Variants in BAHCC1 observed in about 807,000 individuals in gnomAD.
BAHCC1 encodes the protein BAH and coiled-coil domain-containing protein 1.
Under a neutral mutation model 88.2 loss-of-function variants are expected in BAHCC1, and 43 were observed. The observed-to-expected ratio is 0.49, with a 90% CI of 0.38 to 0.63. BAHCC1 has a LOEUF of 0.63. Among genes scored for constraint, BAHCC1 ranks in the 20% least tolerant of loss-of-function variants. The pLI is 0.00. For synonymous variants in BAHCC1, 1,510 were observed against 745.5 expected (o/e 2.03, Z -16.71); for missense variants, 3,023 against 1,654.8 (o/e 1.83, Z -14.34).
intron 26 of BAHCC1, 169 bp from the exon 27 acceptor site, chr17:81,462,571 G>T (rs2030394590): frequency 1.7e-6 from 1 of 586,858 alleles, no homozygotes; most frequent in Non-Finnish European, 3.0e-6. Flanking sequence ...ATCCATGGCT[G>T]CCATGGCCTT....
chr17:81,438,361 C>G lies in BAHCC1; in HGVS notation c.359-9C>G, dbSNP rs782305357. 6 of 778,522 alleles carry G rather than the reference C, an allele frequency of 7.7e-6. 1 individual carries two copies. In the South Asian group the frequency reaches 8.1e-5, roughly 10 times the overall value. 48.2% of individuals were successfully genotyped at this position (778,522 alleles called of 1,614,324 possible). A position where few individuals can be genotyped will look rare whatever the true frequency, so the allele number is the denominator to read the frequency against. The stretch of plus-strand genomic sequence containing the variant: ...GTTGCCTCTGCAACTGGGTCTCTTG[C>G]TTCTCTAGCTCCGGGGTACCCCAGA... On this transcript the variant is annotated splice_polypyrimidine_tract_variant and intron_variant, in intron 3 of 27. Transcript: ENST00000675386.
At chr17:81,398,652 C>A (rs894238240) in intron 1 of BAHCC1, among the ~76,000 whole-genome samples, 13 of 152,244 alleles carry the variant, frequency 8.5e-5, no homozygotes, top group African/African-American at 3.1e-4. Context: ...AGAGGAAGAT[C>A]CTGGGCGAAT....
chr17:81,411,176 C>G lies in BAHCC1; in HGVS notation c.178+11259C>G, dbSNP rs781856828. On this transcript the variant is annotated intron_variant, in intron 2 of 27. Transcript: ENST00000675386. This position sits in a 1 kb window ranked among gnomAD's most constrained non-coding sequence, Gnocchi z 6.2. Reference sequence around the variant, plus strand: ...AGGTGCCTGTGTCCTGTCTCTGCCCCAGGCTGAGGCCGAGGGTCTGCGCCA... The same window carrying G: ...AGGTGCCTGTGTCCTGTCTCTGCCCGAGGCTGAGGCCGAGGGTCTGCGCCA... The G allele has an allele frequency of 1.9e-6, 1 of 518,648 alleles. No homozygotes were observed. The highest frequency in any genetic ancestry group is 1.4e-5 in the South Asian group (1 of 71,560). The allele number at this position is 518,648 out of a possible 1,614,324, so 32.1% of individuals were successfully genotyped here.
chr17:81,442,598 G>A lies in BAHCC1; in HGVS notation c.1249G>A (p.Ala417Thr). 1.3e-6 allele frequency: 1 copy of A among 775,348 alleles called. No individual in the cohort carries two copies. The highest frequency in any genetic ancestry group is 2.4e-6 in the Non-Finnish European group (1 of 415,688). 48.0% of individuals were successfully genotyped at this position (775,348 alleles called of 1,614,324 possible). A position where few individuals can be genotyped will look rare whatever the true frequency, so the allele number is the denominator to read the frequency against. The change falls in exon 5 of 28, where the codon GCA becomes ACA. Residue 417 changes from alanine (A) to threonine (T), a missense_variant. Transcript: ENST00000675386. ...CCAGGCCGCCGAGGCCTGTGCCGTG[G>A]CAGGGGAGGGCAAGGACCGGCACCT... ...PFQAAEACAV[A>T]GEGKDRHLEG...
chr17:81,425,579 G>GT (rs2064177885), intron 2 of BAHCC1, among the ~76,000 whole-genome samples: 3 of 150,634 alleles, frequency 2.0e-5, no homozygotes, highest in African/African-American at 2.4e-5. Flanking sequence ...GATGTGGTTG[G>GT]GGGTGATAGT....
intron 10 of BAHCC1, among the ~76,000 whole-genome samples, chr17:81,446,500 AG>A (rs1555654360): frequency 9.3e-6 from 1 of 107,118 alleles, no homozygotes; most frequent in Non-Finnish European, 1.8e-5. Context: ...TAGGGGAATG[AG>A]GGCCTGGCCT....
chr17:81,458,464 C>G lies in BAHCC1; in HGVS notation c.5341C>G (p.Arg1781Gly). 1.4e-6 allele frequency: 1 copy of G among 709,176 alleles called. No homozygotes were observed. Among genetic ancestry groups the G allele is most frequent in the East Asian group, 2.6e-5 (1 of 39,200 alleles). 43.9% of individuals were successfully genotyped at this position (709,176 alleles called of 1,614,324 possible). ...RKGTVLQPVL[R>G]RKNGALSITL... ...GGGCACAGTGCTGCAGCCAGTGCTG[C>G]GGGTGAGGCTGGGCTCTGGGGTGCT... Residue 1781 changes from arginine (R) to glycine (G), a missense_variant and splice_region_variant, in exon 18 of 28, where the codon CGG (arginine) becomes GGG (glycine). Physicochemically the swap from Arg to Gly is moderately radical, Grantham distance 125. Coordinates refer to ENST00000675386, the MANE Select transcript of BAHCC1 (RefSeq NM_001377448.1).
In BAHCC1 at chr17:81,454,210, T is replaced by C. The variant is rs540518971; in HGVS notation, c.4446-1057T>C. On this transcript the variant is annotated intron_variant, in intron 14 of 27. Coordinates refer to ENST00000675386, the MANE Select transcript of BAHCC1 (RefSeq NM_001377448.1). Reference sequence around the variant, plus strand: ...GGGCAGTGGGAGGTTCTGGGGAGGGTGGGTCACCCACACAAGAGGGGGAGC... The same window carrying C: ...GGGCAGTGGGAGGTTCTGGGGAGGGCGGGTCACCCACACAAGAGGGGGAGC... Among the ~76,000 whole-genome samples the C allele has an allele frequency of 9.2e-5, 14 of 152,022 alleles. No homozygotes were observed. In the South Asian group the frequency reaches 2.7e-3, roughly 29 times the overall value.
At chr17:81,409,955 G>GT in intron 2 of BAHCC1, 1 of 226,416 alleles carries the variant, frequency 4.4e-6, no homozygotes, top group Non-Finnish European at 9.7e-6. Context: ...GGGAGCGTGT[G>GT]TAATGGGGCC....
chr17:81,415,998 G>A (rs2064016173), intron 2 of BAHCC1, among the ~76,000 whole-genome samples: 2 of 151,080 alleles, frequency 1.3e-5, no homozygotes, highest in Admixed American at 6.6e-5. Context: ...ATGAGGATGG[G>A]TGTATGCGCG....
chr17:81,430,810 G>A (rs2064251619), intron 3 of BAHCC1, among the ~76,000 whole-genome samples: 1 of 151,990 alleles, frequency 6.6e-6, no homozygotes, highest in Admixed American at 6.5e-5. Flanking sequence ...CAGCTTCTTG[G>A]TCTGTCTCCC....
At chr17:81,436,941 G>A (rs1246974992) in intron 3 of BAHCC1, among the ~76,000 whole-genome samples, 4 of 152,204 alleles carry the variant, frequency 2.6e-5, no homozygotes, top group African/African-American at 9.6e-5. Context: ...GTGCATTCTT[G>A]GAGCTGGTGA....
At chr17:81,437,960 G>C (rs564420719) in intron 3 of BAHCC1, among the ~76,000 whole-genome samples, 61 of 152,328 alleles carry the variant, frequency 4.0e-4, no homozygotes, top group African/African-American at 1.4e-3. Flanking sequence ...GGCCTGCCTT[G>C]GGGAGGCCAA....
chr17:81,455,607 C>G (rs978645374), intron 15 of BAHCC1, among the ~76,000 whole-genome samples: 1 of 152,196 alleles, frequency 6.6e-6, no homozygotes. Flanking sequence ...CGCCACTTGC[C>G]CACGTCACTC....
intron 3 of BAHCC1, among the ~76,000 whole-genome samples, chr17:81,429,920 G>A (rs1342316592): frequency 4.6e-5 from 7 of 152,328 alleles, no homozygotes; most frequent in Admixed American, 2.0e-4. Flanking sequence ...CTGCTTCCCC[G>A]GGGGAGCAGC....
rs1555653196 is a variant in BAHCC1 at position 81,443,167 on chromosome 17, G to A, written c.1818G>A (p.Leu606=). Residue 606 remains leucine (L), a synonymous_variant, in exon 5 of 28, where the codon CTG becomes CTA. Coordinates refer to ENST00000675386, the MANE Select transcript of BAHCC1 (RefSeq NM_001377448.1). ...ISEERKAGAY[L]DPFGSGLQQA... Reference sequence around the variant, plus strand: ...AGGAGCGCAAGGCTGGCGCCTACCTGGACCCCTTTGGCAGTGGCCTGCAGC... The same window carrying A: ...AGGAGCGCAAGGCTGGCGCCTACCTAGACCCCTTTGGCAGTGGCCTGCAGC... The A allele has an allele frequency of 5.1e-6, 4 of 778,812 alleles. No individual in the cohort carries two copies. The Admixed American group carries it at 6.8e-5, about 13-fold the overall frequency. The allele number at this position is 778,812 out of a possible 1,614,324, so 48.2% of individuals were successfully genotyped here.
chr17:81,437,353 C>T (rs1230368401), intron 3 of BAHCC1, among the ~76,000 whole-genome samples: 1 of 152,234 alleles, frequency 6.6e-6, no homozygotes, highest in Admixed American at 6.5e-5. Flanking sequence ...GGGGCTGGGG[C>T]TGGGCGGGTC....
In BAHCC1 at chr17:81,451,763, A is replaced by G; in HGVS notation, c.4072A>G (p.Thr1358Ala). The change falls in exon 12 of 28, where the codon ACT (threonine) becomes GCT (alanine). Residue 1358 changes from threonine to alanine, a missense_variant. By Grantham distance (58) the Thr-to-Ala change is moderately conservative. Coordinates refer to ENST00000675386, the MANE Select transcript of BAHCC1 (RefSeq NM_001377448.1). ...LVEAAGLDSS[T>A]APAQPPTANP... ...GGAGGCCGCTGGCCTGGACAGCTCC[A>G]CTGCCCCAGCGCAGCCGCCCACAGC... The G allele has an allele frequency of 1.3e-6, 1 of 771,756 alleles. No individual in the cohort carries two copies. The highest frequency in any genetic ancestry group is 2.4e-6 in the Non-Finnish European group (1 of 417,102). The allele number at this position is 771,756 out of a possible 1,614,324, so 47.8% of individuals were successfully genotyped here. A position where few individuals can be genotyped will look rare whatever the true frequency, so the allele number is the denominator to read the frequency against.
rs961322017 is a variant in BAHCC1, at chr17:81,411,050, G to A, written c.178+11133G>A. On this transcript the variant is annotated intron_variant, in intron 2 of 27. Coordinates refer to ENST00000675386, the MANE Select transcript of BAHCC1 (RefSeq NM_001377448.1). The surrounding 1 kb of genome is among the most constrained non-coding windows in gnomAD (Gnocchi z 6.2). Reference sequence around the variant, plus strand: ...GTGTGAAGGCCTGGGGCCCCCGTGCGCCTCCCCTCGGGCCTGAGGGGTCCC... The same window carrying A: ...GTGTGAAGGCCTGGGGCCCCCGTGCACCTCCCCTCGGGCCTGAGGGGTCCC... 15 of 518,490 alleles carry A rather than the reference G, an allele frequency of 2.9e-5. No homozygotes were observed. Among genetic ancestry groups the A allele is most frequent in the South Asian group, 8.4e-5 (6 of 71,548 alleles). The allele number at this position is 518,490 out of a possible 1,614,324, so 32.1% of individuals were successfully genotyped here. A position where few individuals can be genotyped will look rare whatever the true frequency, so the allele number is the denominator to read the frequency against.
Sources: gnomAD v4.1 joint callset for allele counts (sites outside exome capture counted in the v4.1 genomes callset) on GRCh38, gnomAD v4.1.1 for gene constraint, Gnocchi (gnomAD v3.1) non-coding constraint, MANE v1.5 for transcripts, NCBI Gene and HGNC (gene_info 2026-07-23, HGNC 2026-07-21) for gene names.